Variants in FER1L6 observed in about 807,000 individuals in gnomAD.
FER1L6 encodes fer-1-like protein 6.
A neutral mutation model predicts 219.2 loss-of-function variants in FER1L6; 177 were observed. That is an observed-to-expected ratio of 0.81 (90% CI 0.71 to 0.91). FER1L6 has a LOEUF of 0.91. FER1L6 is among the 40% of genes least tolerant of loss of function. The pLI, the probability that FER1L6 is intolerant of heterozygous loss-of-function variation, is 0.00. For missense variants in FER1L6, 2,153 were observed against 2,259.9 expected (o/e 0.95, Z 0.96); for synonymous variants, 768 against 824.3 (o/e 0.93, Z 1.17).
At chr8:123,922,740 A>C (rs1375338215) in intron 1 of FER1L6, among the ~76,000 whole-genome samples, 1 of 152,150 alleles carries the variant, frequency 6.6e-6, no homozygotes, top group African/African-American at 2.4e-5. Context: ...CTTATAATTG[A>C]TGTGTATAAT....
At chr8:123,890,071 G>T (rs1252714700) in intron 1 of FER1L6, among the ~76,000 whole-genome samples, 2 of 152,068 alleles carry the variant, frequency 1.3e-5, no homozygotes, top group African/African-American at 4.8e-5. Flanking sequence ...AATTGAGAAA[G>T]ATTCTTTTTT....
Position 124,006,337 on chromosome 8 carries a change from AG to A in FER1L6, c.1700+2992del, listed in dbSNP as rs35734862. 2.0e-5 allele frequency among the ~76,000 whole-genome samples: 3 copies of A among 152,246 alleles called. No homozygotes were observed. In the South Asian group the frequency reaches 6.2e-4, roughly 32 times the overall value. On this transcript the variant is annotated intron_variant, in intron 13 of 40. Coordinates refer to ENST00000522917, the MANE Select transcript of FER1L6 (RefSeq NM_001039112.2). The stretch of plus-strand genomic sequence containing the variant: ...ATATCAGTGCTGTCCTGCTGGCTCA[AG>A]GAGATCAAAATAAGTCATGCTGGTA...
chr8:123,928,002 G>A (rs1813630370), intron 1 of FER1L6, among the ~76,000 whole-genome samples: 1 of 152,106 alleles, frequency 6.6e-6, no homozygotes, highest in South Asian at 2.1e-4. Flanking sequence ...ATGATTGTAA[G>A]AGTTAGGATG....
chr8:123,929,629 G>A (rs1479272053), intron 1 of FER1L6, among the ~76,000 whole-genome samples: 1 of 152,040 alleles, frequency 6.6e-6, no homozygotes, highest in Non-Finnish European at 1.5e-5. Flanking sequence ...ACTACTCTCC[G>A]CTGACTCTGT....
At chr8:123,877,733 T>G (rs1055690364) in intron 1 of FER1L6, among the ~76,000 whole-genome samples, 8 of 151,476 alleles carry the variant, frequency 5.3e-5, no homozygotes, top group Admixed American at 2.0e-4. Context: ...TGAAATACGC[T>G]TCCTTTAACT....
At position 123,989,029 on chromosome 8, in the gene FER1L6, T is replaced by A. The variant is rs539023851; in HGVS notation, c.1519+2853T>A. Among the ~76,000 whole-genome samples the A allele has an allele frequency of 7.9e-5, 12 of 152,206 alleles. No homozygotes were observed. The East Asian group carries it at 1.5e-3, about 20-fold the overall frequency. On this transcript the variant is annotated intron_variant, in intron 12 of 40. Transcript: ENST00000522917. ...GTACTTAGTGTTTTGAGAGTTTTTT[T>A]AATCATGAACGGATGTTAAATTTTA...
At chr8:124,010,954 G>C (rs1817893763) in intron 14 of FER1L6, among the ~76,000 whole-genome samples, 1 of 152,172 alleles carries the variant, frequency 6.6e-6, no homozygotes, top group Admixed American at 6.5e-5. Context: ...GCTTCTGGCT[G>C]TTATAGGATC....
intron 13 of FER1L6, among the ~76,000 whole-genome samples, chr8:124,007,089 T>C (rs917953217): frequency 6.6e-6 from 1 of 152,244 alleles, no homozygotes; most frequent in East Asian, 1.9e-4. Context: ...AAAACTTATG[T>C]GGCTTCTCTT....
At chr8:123,923,046 G>A (rs945567616) in intron 1 of FER1L6, among the ~76,000 whole-genome samples, 1 of 152,166 alleles carries the variant, frequency 6.6e-6, no homozygotes, top group Non-Finnish European at 1.5e-5. Flanking sequence ...GTACTATGGA[G>A]GGGCTGTTGC....
At position 124,091,413 on chromosome 8, in the gene FER1L6, C is replaced by T. The variant is rs531209610; in HGVS notation, c.4392-10C>T. 2.3e-4 allele frequency: 364 copies of T among 1,612,630 alleles called. 6 individuals are homozygous for T. In the South Asian group the frequency reaches 3.8e-3, roughly 17 times the overall value. ...AGGACCTCAAAGTGTGTTCTCCCTC[C>T]ACTTTTCAGAGAAGGATACAATGCC... is the stretch of plus-strand genomic sequence containing the variant. On this transcript the variant is annotated splice_polypyrimidine_tract_variant and intron_variant, in intron 33 of 40. Coordinates refer to ENST00000522917, the MANE Select transcript of FER1L6 (RefSeq NM_001039112.2).
intron 1 of FER1L6, among the ~76,000 whole-genome samples, chr8:123,904,687 G>A (rs1812920677): frequency 1.3e-5 from 2 of 152,312 alleles, no homozygotes; most frequent in East Asian, 3.9e-4. Flanking sequence ...TTGAAGGGGT[G>A]TCTTCCACTG....
At chr8:123,880,035 C>T (rs2129658093) in intron 1 of FER1L6, among the ~76,000 whole-genome samples, 1 of 152,258 alleles carries the variant, frequency 6.6e-6, no homozygotes, top group Non-Finnish European at 1.5e-5. Context: ...TACAACACAG[C>T]TTTAGATCAT....
intron 3 of FER1L6, among the ~76,000 whole-genome samples, chr8:123,965,054 A>G (rs1305730136): frequency 1.7e-4 from 26 of 152,226 alleles, no homozygotes; most frequent in Admixed American, 1.5e-3. Flanking sequence ...TGATGAACCA[A>G]TTAAATGATA....
intron 2 of FER1L6, among the ~76,000 whole-genome samples, 160 bp from the exon 3 acceptor site, chr8:123,963,118 A>G (rs1171784438): frequency 1.3e-5 from 2 of 152,234 alleles, no homozygotes; most frequent in Non-Finnish European, 2.9e-5. Context: ...TGTATCTGGC[A>G]TTTCTGCCAA....
intron 12 of FER1L6, among the ~76,000 whole-genome samples, chr8:123,989,784 A>G (rs991752280): frequency 2.6e-5 from 4 of 152,200 alleles, no homozygotes; most frequent in Non-Finnish European, 4.4e-5. Flanking sequence ...TGGTGTGTAT[A>G]TACCACATTT....
At chr8:123,933,561 G>A (rs1309911897) in intron 1 of FER1L6, among the ~76,000 whole-genome samples, 1 of 152,226 alleles carries the variant, frequency 6.6e-6, no homozygotes, top group Non-Finnish European at 1.5e-5. Context: ...GTGCACACAT[G>A]CACAGGTCTG....
chr8:123,898,224 A>G (rs767719078), intron 1 of FER1L6, among the ~76,000 whole-genome samples: 2 of 152,142 alleles, frequency 1.3e-5, no homozygotes, highest in Non-Finnish European at 2.9e-5. Context: ...TAAAACTTAG[A>G]AGAATAAGTA....
At chr8:123,895,852 A>G (rs1812733361) in intron 1 of FER1L6, among the ~76,000 whole-genome samples, 1 of 152,212 alleles carries the variant, frequency 6.6e-6, no homozygotes. Context: ...CGCAGAGTCA[A>G]ATTTACAAAG....
chr8:123,871,967 G>C (rs913321168), intron 1 of FER1L6, among the ~76,000 whole-genome samples: 1 of 152,156 alleles, frequency 6.6e-6, no homozygotes, highest in Non-Finnish European at 1.5e-5. Flanking sequence ...ACCTGAGACT[G>C]GGTAACTTAT....
Sources: allele counts gnomAD v4.1 joint callset (sites outside exome capture counted in the v4.1 genomes callset), GRCh38; gene constraint gnomAD v4.1.1; transcripts MANE v1.5; gene names NCBI Gene and HGNC (gene_info 2026-07-23, HGNC 2026-07-21).